PELI1: variants seen among roughly 807,000 people sequenced by gnomAD.
PELI1 encodes pellino E3 ubiquitin protein ligase 1, also known as E3 ubiquitin-protein ligase pellino homolog 1.
A neutral mutation model predicts 41.3 loss-of-function variants in PELI1; 15 were observed. The observed-to-expected ratio is 0.36, with a 90% CI of 0.24 to 0.56. The LOEUF is 0.56. Ranked by LOEUF, PELI1 falls within the 20% of genes least tolerant of loss-of-function variation. PELI1 has a pLI of 0.82. For missense variants in PELI1, 403 were observed against 525.5 expected, an observed-to-expected ratio of 0.77 and a Z score of 2.28; for synonymous variants, 178 against 180.1, an observed-to-expected ratio of 0.99 and a Z score of 0.09.
intron 1 of PELI1, among the ~76,000 whole-genome samples, chr2:64,136,763 C>T (rs780752010): frequency 1.3e-5 from 2 of 152,052 alleles, no homozygotes; most frequent in Non-Finnish European, 2.9e-5. Flanking sequence ...TTTAGCTGGG[C>T]GTAGTGGTGT....
intron 3 of PELI1, among the ~76,000 whole-genome samples, chr2:64,103,117 T>C (rs1680501742): frequency 6.6e-6 from 1 of 152,110 alleles, no homozygotes; most frequent in African/African-American, 2.4e-5. Flanking sequence ...GCTGGGATTA[T>C]AGGTGTGAGC....
At chr2:64,129,722 T>C (rs779711401) in intron 1 of PELI1, among the ~76,000 whole-genome samples, 6 of 152,322 alleles carry the variant, frequency 3.9e-5, no homozygotes, top group African/African-American at 7.2e-5. Flanking sequence ...CAAACCCTCC[T>C]ATTATTTATA....
chr2:64,126,352 C>T (rs747442128), intron 1 of PELI1, among the ~76,000 whole-genome samples: 14 of 152,226 alleles, frequency 9.2e-5, no homozygotes, highest in Non-Finnish European at 1.8e-4. Context: ...TTAGTAGAGA[C>T]GGGGTTTCAT....
chr2:64,111,511 G>A (rs754951102), intron 1 of PELI1, among the ~76,000 whole-genome samples: 4 of 151,858 alleles, frequency 2.6e-5, no homozygotes, highest in Admixed American at 6.6e-5. Flanking sequence ...AACACCTCTC[G>A]TCACCCTAGA....
intron 1 of PELI1, among the ~76,000 whole-genome samples, chr2:64,125,499 T>A (rs994615434): frequency 6.6e-6 from 1 of 152,162 alleles, no homozygotes; most frequent in African/African-American, 2.4e-5. Flanking sequence ...CATAGCTCAA[T>A]ATAATCCCAT....
chr2:64,132,855 G>A (rs1343168677), intron 1 of PELI1, among the ~76,000 whole-genome samples: 3 of 152,108 alleles, frequency 2.0e-5, no homozygotes, highest in Non-Finnish European at 2.9e-5. Flanking sequence ...TGCTAAAAAT[G>A]AAGAATCTCA....
At chr2:64,138,262 T>C (rs1681783482) in intron 1 of PELI1, among the ~76,000 whole-genome samples, 1 of 152,168 alleles carries the variant, frequency 6.6e-6, no homozygotes. Flanking sequence ...TTGTAGTTTC[T>C]TGCAGTTGTA....
chr2:64,115,418 T>G (rs545622056), intron 1 of PELI1, among the ~76,000 whole-genome samples: 17 of 152,316 alleles, frequency 1.1e-4, no homozygotes, highest in African/African-American at 4.1e-4. Flanking sequence ...TGAACTTGCA[T>G]AGAATGGTAA....
At chr2:64,125,383 A>T (rs2103725873) in intron 1 of PELI1, among the ~76,000 whole-genome samples, 1 of 152,320 alleles carries the variant, frequency 6.6e-6, no homozygotes, top group African/African-American at 2.4e-5. Context: ...AAAAATTCTC[A>T]GCATTATAGG....
chr2:64,136,730 C>G (rs1434552430), intron 1 of PELI1, among the ~76,000 whole-genome samples: 1 of 152,188 alleles, frequency 6.6e-6, no homozygotes, highest in African/African-American at 2.4e-5. Context: ...TGGTGAAACC[C>G]TGTCTCTACT....
chr2:64,141,303 C>CG (rs1259388702), intron 1 of PELI1, among the ~76,000 whole-genome samples: 4 of 111,052 alleles, frequency 3.6e-5, no homozygotes, highest in Non-Finnish European at 6.9e-5. Context: ...ACATGTTTCC[C>CG]GCCCCCACCC....
Position 64,104,762 on chromosome 2 carries a change from G to A in PELI1, c.140C>T (p.Pro47Leu). 1 of 1,611,974 alleles carries A rather than the reference G, an allele frequency of 6.2e-7. No homozygotes were observed. The highest frequency in any genetic ancestry group is 8.5e-7 in the Non-Finnish European group (1 of 1,179,612). The change falls in exon 3 of 7, where the codon CCT becomes CTT. Residue 47 changes from proline (P) to leucine (L), a missense_variant. Pro to Leu is a moderately conservative substitution (Grantham distance 98). Coordinates refer to ENST00000358912, the MANE Select transcript of PELI1 (RefSeq NM_020651.4). ...RKSRFALFKR[P>L]KANGVKPSTV... is the part of the protein sequence containing the mutation. ...GCTGGGCTTCACCCCATTTGCCTTA[G>A]GTCTTTTAAACAAAGCAAACCTACT... is the stretch of plus-strand genomic sequence containing the variant.
intron 1 of PELI1, among the ~76,000 whole-genome samples, chr2:64,137,160 A>C (rs1232318362): frequency 9.9e-5 from 15 of 152,202 alleles, no homozygotes; most frequent in Non-Finnish European, 2.2e-4. Flanking sequence ...GGGGGCATTT[A>C]AACATTTAGA....
chr2:64,109,895 T>C (rs910081142), intron 1 of PELI1, among the ~76,000 whole-genome samples: 30 of 152,180 alleles, frequency 2.0e-4, no homozygotes, highest in African/African-American at 7.2e-4. Flanking sequence ...TAGCAAAATC[T>C]AACACGTGTG....
At chr2:64,132,509 T>C (rs998745955) in intron 1 of PELI1, among the ~76,000 whole-genome samples, 4 of 152,120 alleles carry the variant, frequency 2.6e-5, no homozygotes, top group Non-Finnish European at 4.4e-5. Context: ...GAGCTACCAA[T>C]TAGTGGGGGA....
At chr2:64,141,762 C>G (rs55756539) in intron 1 of PELI1, among the ~76,000 whole-genome samples, 35,059 of 152,164 alleles carry the variant, frequency 0.23, 5,232 homozygotes, top group East Asian at 0.73. Flanking sequence ...CAGTACTAGA[C>G]TAACTTCCTA....
chr2:64,114,887 TAC>T (rs1462315241), intron 1 of PELI1, among the ~76,000 whole-genome samples: 1 of 152,196 alleles, frequency 6.6e-6, no homozygotes, highest in Non-Finnish European at 1.5e-5. Context: ...GAAGACAACA[TAC>T]ATTGTTCTTA....
intron 1 of PELI1, among the ~76,000 whole-genome samples, chr2:64,112,079 A>T (rs1413339994): frequency 6.6e-6 from 1 of 152,134 alleles, no homozygotes; most frequent in Non-Finnish European, 1.5e-5. Flanking sequence ...TTTTCTATTT[A>T]TAGTAGCAAA....
rs1251689556 is a variant in PELI1 at position 64,100,498 on chromosome 2, G to A, written c.203C>T (p.Ala68Val). Residue 68 changes from alanine (A) to valine (V), a missense_variant and splice_region_variant, in exon 4 of 7, where the codon GCA (alanine) becomes GTA (valine). Transcript: ENST00000358912. Reference sequence around the variant, plus strand: ...GCTATGCTGGTCTTTGTTGCTTATTGCCTAAGAATGAAAAAGTTAATAGCA... The same window carrying A: ...GCTATGCTGGTCTTTGTTGCTTATTACCTAAGAATGAAAAAGTTAATAGCA... ...HIACTPQAAK[A>V]ISNKDQHSIS... is the part of the protein sequence containing the mutation. 6.6e-7 allele frequency: 1 copy of A among 1,514,798 alleles called. No homozygotes were observed. The highest frequency in any genetic ancestry group is 9.2e-7 in the Non-Finnish European group (1 of 1,090,998). The allele number at this position is 1,514,798 out of a possible 1,614,324, so 93.8% of individuals were successfully genotyped here. A position where few individuals can be genotyped will look rare whatever the true frequency, so the allele number is the denominator to read the frequency against.
Sources: gnomAD v4.1 joint callset for allele counts (sites outside exome capture counted in the v4.1 genomes callset) on GRCh38, gnomAD v4.1.1 for gene constraint, MANE v1.5 for transcripts, NCBI Gene and HGNC (gene_info 2026-07-23, HGNC 2026-07-21) for gene names.